Variants in CDH10 observed in about 807,000 individuals in gnomAD.
The protein encoded by CDH10 is cadherin 10.
In CDH10, 30 loss-of-function variants were observed where a neutral mutation model predicts 73.1. The observed-to-expected ratio is 0.41, with a 90% CI of 0.31 to 0.56. The LOEUF is 0.56. CDH10 is among the 20% of genes least tolerant of loss of function. The pLI, the probability that CDH10 is intolerant of heterozygous loss-of-function variation, is 0.27. For synonymous variants in CDH10, 345 were observed against 348.2 expected (o/e 0.99, Z 0.10); for missense variants, 815 against 973.7 (o/e 0.84, Z 2.17).
In CDH10 at chr5:24,501,383, A is replaced by C. The variant is rs532045219; in HGVS notation, c.1394-2864T>G. On this transcript the variant is annotated intron_variant, in intron 8 of 11. Coordinates refer to ENST00000264463, the MANE Select transcript of CDH10 (RefSeq NM_006727.5). Reference sequence around the variant, plus strand: ...GCATCGAGCCTGGAGCTACCTATTCAAAAAACAGTGCTTACACTAATTTTT... The same window carrying C: ...GCATCGAGCCTGGAGCTACCTATTCCAAAAACAGTGCTTACACTAATTTTT... 2.0e-5 allele frequency among the ~76,000 whole-genome samples: 3 copies of C among 150,174 alleles called. No individual in the cohort carries two copies. In the East Asian group the frequency reaches 6.2e-4, roughly 31 times the overall value.
chr5:24,596,145 C>A (rs1746361589), intron 1 of CDH10, among the ~76,000 whole-genome samples: 1 of 151,960 alleles, frequency 6.6e-6, no homozygotes, highest in South Asian at 2.1e-4. Context: ...TTTAATTTCT[C>A]TGCAGTTAGT....
chr5:24,539,959 A>T (rs546044404), intron 2 of CDH10, among the ~76,000 whole-genome samples: 10 of 152,060 alleles, frequency 6.6e-5, no homozygotes, highest in Non-Finnish European at 1.5e-4. Flanking sequence ...TATTATCACT[A>T]ATTTGATGAG....
At position 24,535,253 on chromosome 5, in the gene CDH10, T is replaced by C. The variant is rs2111878812; in HGVS notation, c.673A>G (p.Met225Val). The C allele has an allele frequency of 1.2e-6, 2 of 1,613,056 alleles. No homozygotes were observed. The highest frequency in any genetic ancestry group is 1.7e-6 in the Non-Finnish European group (2 of 1,179,538). ...TATTGCTCTCTGTTTTCTCTGTTCA[T>C]GTTCGGTAAAGCAGTCCTGATGATA... ...TGIIRTALPN[M>V]NRENREQYQV... The change falls in exon 5 of 12, where the codon ATG becomes GTG. Residue 225 changes from methionine (M) to valine (V), a missense_variant. By Grantham distance (21) the Met-to-Val change is conservative (BLOSUM62 1). This residue lies in a region of CDH10 where 516 missense variants were observed against 636.6 expected (regional missense o/e 0.81). Transcript: ENST00000264463.
intron 2 of CDH10, among the ~76,000 whole-genome samples, chr5:24,552,601 T>G (rs1164640728): frequency 1.3e-5 from 2 of 152,092 alleles, no homozygotes; most frequent in Non-Finnish European, 2.9e-5. Context: ...GCAGATTTCC[T>G]TGTTAATATA....
At chr5:24,617,530 T>C (rs1456215583) in intron 1 of CDH10, among the ~76,000 whole-genome samples, 9 of 152,198 alleles carry the variant, frequency 5.9e-5, no homozygotes, top group Non-Finnish European at 1.3e-4. Context: ...AGCCTATGCA[T>C]GCCAATATAA....
At chr5:24,501,899 T>C (rs563417457) in intron 8 of CDH10, among the ~76,000 whole-genome samples, 8 of 152,212 alleles carry the variant, frequency 5.3e-5, no homozygotes, top group African/African-American at 1.7e-4. Context: ...GTGACCTTAA[T>C]TTTAGATGTT....
intron 2 of CDH10, among the ~76,000 whole-genome samples, chr5:24,581,843 T>C (rs1173042714): frequency 2.0e-5 from 3 of 152,202 alleles, no homozygotes; most frequent in African/African-American, 4.8e-5. Context: ...GGATTTATTT[T>C]TGGTAACACA....
At chr5:24,638,183 G>A (rs926102242) in intron 1 of CDH10, among the ~76,000 whole-genome samples, 4 of 151,354 alleles carry the variant, frequency 2.6e-5, no homozygotes, top group Admixed American at 1.3e-4. Flanking sequence ...TCGATAGCAA[G>A]TACTTATGCC....
chr5:24,506,648 G>A (rs1742712064), intron 7 of CDH10, among the ~76,000 whole-genome samples: 1 of 152,098 alleles, frequency 6.6e-6, no homozygotes, highest in Non-Finnish European at 1.5e-5. Flanking sequence ...ATCATCCTGA[G>A]TCTTCTTTTC....
intron 2 of CDH10, among the ~76,000 whole-genome samples, chr5:24,572,397 C>T (rs976541873): frequency 6.6e-6 from 1 of 151,886 alleles, no homozygotes; most frequent in Admixed American, 6.6e-5. Flanking sequence ...CAAGAGATAG[C>T]CGGAAGCTAT....
At chr5:24,524,424 C>G (rs538381959) in intron 5 of CDH10, among the ~76,000 whole-genome samples, 2 of 152,052 alleles carry the variant, frequency 1.3e-5, no homozygotes, top group Non-Finnish European at 2.9e-5. Context: ...ATTGTTTATG[C>G]GTACACTGAC....
chr5:24,497,303 C>A (rs1742326781), intron 9 of CDH10, among the ~76,000 whole-genome samples: 1 of 151,836 alleles, frequency 6.6e-6, no homozygotes, highest in African/African-American at 2.4e-5. Context: ...GGTAATTTAT[C>A]TCTTAGAGAA....
chr5:24,548,899 A>G (rs957786000), intron 2 of CDH10, among the ~76,000 whole-genome samples: 5 of 152,172 alleles, frequency 3.3e-5, no homozygotes, highest in African/African-American at 4.8e-5. Context: ...TGAATAACAG[A>G]TTTAGCAAAC....
chr5:24,565,097 T>C (rs1423298554), intron 2 of CDH10, among the ~76,000 whole-genome samples: 2 of 152,180 alleles, frequency 1.3e-5, no homozygotes, highest in African/African-American at 2.4e-5. Flanking sequence ...CCTCATTCTA[T>C]GCAATAGGGT....
rs1746275562 is a variant in CDH10, at chr5:24,593,601, A to G, written c.-111T>C. On this transcript the variant is annotated 5_prime_UTR_variant, in exon 2 of 12. The change abolishes an upstream ATG in the 5' untranslated region. Transcript: ENST00000264463. The stretch of plus-strand genomic sequence containing the variant: ...CCAACATTTCATCAATGTTTTGTTC[A>G]TGTTTCCCAAAGCTTCAAACAAACA... 1.7e-6 allele frequency: 1 copy of G among 596,706 alleles called. No homozygotes were observed. Among genetic ancestry groups the G allele is most frequent in the Non-Finnish European group, 3.0e-6 (1 of 337,230 alleles). The allele number at this position is 596,706 out of a possible 1,614,324, so 37.0% of individuals were successfully genotyped here.
chr5:24,503,471 G>T (rs773540365), intron 8 of CDH10, among the ~76,000 whole-genome samples: 2 of 152,150 alleles, frequency 1.3e-5, no homozygotes, highest in Non-Finnish European at 2.9e-5. Context: ...AGAGACTCTT[G>T]CATGTTTTAA....
intron 7 of CDH10, among the ~76,000 whole-genome samples, chr5:24,507,409 TATA>T (rs1742736590): frequency 6.8e-6 from 1 of 146,696 alleles, no homozygotes; most frequent in African/African-American, 2.7e-5. Flanking sequence ...ATATAATATG[TATA>T]ATAATATACA....
chr5:24,636,835 G>A (rs560686541), intron 1 of CDH10, among the ~76,000 whole-genome samples: 28 of 152,006 alleles, frequency 1.8e-4, no homozygotes, highest in African/African-American at 6.7e-4. Flanking sequence ...TCTGCAAGAT[G>A]ATAACTGGCT....
At chr5:24,637,627 C>A in intron 1 of CDH10, among the ~76,000 whole-genome samples, 1 of 151,526 alleles carries the variant, frequency 6.6e-6, no homozygotes, top group Non-Finnish European at 1.5e-5. Context: ...TAATTAGGAG[C>A]TAAAGAATAA....
Sources: gnomAD v4.1 joint callset for allele counts (sites outside exome capture counted in the v4.1 genomes callset) on GRCh38, gnomAD v4.1.1 for gene constraint, gnomAD v4.1.1 regional missense constraint, MANE v1.5 for transcripts, NCBI Gene and HGNC (gene_info 2026-07-23, HGNC 2026-07-21) for gene names.